RCC2: variants seen among roughly 807,000 people sequenced by gnomAD.
RCC2 encodes the protein regulator of chromosome condensation 2, also known as protein RCC2.
In RCC2, 19 loss-of-function variants were observed where a neutral mutation model predicts 64.1. That is an observed-to-expected ratio of 0.30 (90% CI 0.21 to 0.44). The LOEUF is 0.44. Among genes scored for constraint, RCC2 ranks in the 20% least tolerant of loss-of-function variants. The pLI is 1.00. For synonymous variants in RCC2, 325 were observed against 279.6 expected (o/e 1.16, Z -1.62); for missense variants, 508 against 710.4 (o/e 0.72, Z 3.24).
rs542976508 is a variant in RCC2, at chr1:17,410,118, C to T, written c.1387-67G>A. 1.9e-5 allele frequency: 27 copies of T among 1,417,610 alleles called. No homozygotes were observed. The Admixed American group carries it at 2.1e-4, about 11-fold the overall frequency. The allele number at this position is 1,417,610 out of a possible 1,614,324, so 87.8% of individuals were successfully genotyped here. ...GGCTCAGTCCACAAGTGGGGAATCA[C>T]GGCAACATTTCCTGGCCCCCACTAA... On this transcript the variant is annotated intron_variant, in intron 11 of 12. Coordinates refer to ENST00000375436, the MANE Select transcript of RCC2 (RefSeq NM_018715.4).
intron 2 of RCC2, among the ~76,000 whole-genome samples, chr1:17,431,352 AAAAAAAAATATAT>A (rs2075675257): frequency 1.1e-5 from 1 of 92,802 alleles, no homozygotes; most frequent in South Asian, 3.8e-4. Context: ...AAAAAAAAAA[AAAAAAAAATATAT>A]ATATATATAT....
Position 17,410,000 on chromosome 1 carries a change from T to C in RCC2, c.1438A>G (p.Thr480Ala), listed in dbSNP as rs2075407430. The C allele has an allele frequency of 1.2e-6, 2 of 1,613,504 alleles. No individual in the cohort carries two copies. The highest frequency in any genetic ancestry group is 8.5e-7 in the Non-Finnish European group (1 of 1,179,818). Residue 480 changes from threonine to alanine, a missense_variant, in exon 12 of 13, where the codon ACT (threonine) becomes GCT (alanine). Thr to Ala is a moderately conservative substitution (Grantham distance 58, BLOSUM62 0). Around this residue, in one of 4 missense-constraint regions of RCC2, gnomAD observed 179 missense variants for 322.0 expected, o/e 0.56. Transcript: ENST00000375436. ...TGCTCTGAGAAAATGCCATCCAGAG[T>C]CTTTACCTCCTGGGCTGCAGTGGAA... Reference protein sequence around the residue: ...KSSTAAQEVKTLDGIFSEQVA... With the variant: ...KSSTAAQEVKALDGIFSEQVA...
chr1:17,422,403 G>A (rs1557627359), intron 5 of RCC2, 112 bp from the exon 6 acceptor site: 1 of 1,020,642 alleles, frequency 9.8e-7, no homozygotes, highest in Non-Finnish European at 1.5e-6. Flanking sequence ...CAGGCAGAAG[G>A]CAAGTGAGAC....
chr1:17,416,118 G>A lies in RCC2; in HGVS notation c.1026+362C>T, dbSNP rs151097304. Among the ~76,000 whole-genome samples the A allele has an allele frequency of 2.8e-3, 418 of 148,442 alleles. 2 individuals are homozygous for A. Among genetic ancestry groups the A allele is most frequent in the African/African-American group, 9.7e-3 (387 of 40,062 alleles). ...GGGGGACAACCTACTGATTAAAAAC[G>A]ACTCACATCCCCAGTATGGGGCACC... On this transcript the variant is annotated intron_variant, in intron 8 of 12. Coordinates refer to ENST00000375436, the MANE Select transcript of RCC2 (RefSeq NM_018715.4).
chr1:17,426,459 C>G (rs2075617468), intron 3 of RCC2, among the ~76,000 whole-genome samples: 1 of 152,160 alleles, frequency 6.6e-6, no homozygotes. Context: ...CACCAGTTCG[C>G]CTCCTTGGGG....
At chr1:17,423,004 G>A (rs1375318733) in intron 4 of RCC2, among the ~76,000 whole-genome samples, 168 bp from the exon 5 acceptor site, 1 of 152,112 alleles carries the variant, frequency 6.6e-6, no homozygotes, top group Non-Finnish European at 1.5e-5. Context: ...CCGGCCCTCT[G>A]CCCGCTGGAA....
intron 8 of RCC2, 148 bp downstream of exon 8, chr1:17,416,332 T>C: frequency 1.2e-6 from 1 of 812,628 alleles, no homozygotes; most frequent in Non-Finnish European, 1.9e-6. Flanking sequence ...AAGGACCCTT[T>C]GGCCAAGGTG....
In RCC2 at chr1:17,438,355, C is replaced by A; in HGVS notation, c.160G>T (p.Glu54Ter). ...GCCCCGTCGAGCTCCAGGCCGTCCT[C>A]GTCGCCGCTGCTGCCGCCGCCGCTG... The part of the protein sequence containing the change: ...SSSGGGSSGD[E>*]DGLELDGAPG... Residue 54 changes from glutamate to a stop codon, truncating the protein, a stop_gained, in exon 2 of 13, where the codon GAG (glutamate) becomes TAG (stop). Transcript: ENST00000375436. LOFTEE classifies it high-confidence loss of function. 8.1e-7 allele frequency: 1 copy of A among 1,239,930 alleles called. No homozygotes were observed. The highest frequency in any genetic ancestry group is 1.0e-6 in the Non-Finnish European group (1 of 993,082). The allele number at this position is 1,239,930 out of a possible 1,614,324, so 76.8% of individuals were successfully genotyped here.
chr1:17,413,804 T>G, intron 8 of RCC2, 87 bp from the exon 9 acceptor site: 2 of 1,222,962 alleles, frequency 1.6e-6, no homozygotes, highest in Non-Finnish European at 2.3e-6. Context: ...GACAACCTGG[T>G]GCAAATGCTA....
At chr1:17,437,554 T>TG (rs974137144) in intron 2 of RCC2, among the ~76,000 whole-genome samples, 49 of 150,030 alleles carry the variant, frequency 3.3e-4, no homozygotes, top group Admixed American at 5.3e-4. Flanking sequence ...CTTCTTCACT[T>TG]GGGGGGGCTA....
chr1:17,427,795 A>G (rs543090591), intron 3 of RCC2, among the ~76,000 whole-genome samples: 3 of 151,702 alleles, frequency 2.0e-5, no homozygotes, highest in East Asian at 2.0e-4. Flanking sequence ...CGGCCTCCCA[A>G]GGAAGGGCTG....
intron 8 of RCC2, among the ~76,000 whole-genome samples, chr1:17,414,128 C>A (rs1233865652): frequency 6.6e-6 from 1 of 152,182 alleles, no homozygotes; most frequent in East Asian, 1.9e-4. Flanking sequence ...TTTTCCAATC[C>A]TTTTTTGTTC....
chr1:17,421,672 T>A (rs550716174), intron 6 of RCC2, among the ~76,000 whole-genome samples: 4 of 152,302 alleles, frequency 2.6e-5, no homozygotes, highest in Admixed American at 2.6e-4. Context: ...ATTTCTCCAT[T>A]TGGAAACAAA....
rs568034507 is a variant in RCC2 at position 17,427,076 on chromosome 1, A to G, written c.380-1392T>C. Among the ~76,000 whole-genome samples the G allele has an allele frequency of 1.4e-3, 213 of 152,308 alleles. 1 individual carries two copies. The highest frequency in any genetic ancestry group is 3.4e-3 in the Middle Eastern group (1 of 294). The stretch of plus-strand genomic sequence containing the variant: ...ATGCCCAGCAATCTTAATTTTTGAA[A>G]TTGAGATGCTCAAGAGTATTTCCAG... On this transcript the variant is annotated intron_variant, in intron 3 of 12. Transcript: ENST00000375436.
Position 17,423,952 on chromosome 1 carries a change from T to G in RCC2, c.524-1116A>C, listed in dbSNP as rs561183864. The stretch of plus-strand genomic sequence containing the variant: ...GAAGGGAAACCAGCCTCTGACTCGC[T>G]CTAATTAAAGAACGGCGGGCTGAAG... On this transcript the variant is annotated intron_variant, in intron 4 of 12. Coordinates refer to ENST00000375436, the MANE Select transcript of RCC2 (RefSeq NM_018715.4). Among the ~76,000 whole-genome samples, 8 of 152,292 alleles carry G rather than the reference T, an allele frequency of 5.3e-5. No homozygotes were observed. In the South Asian group the frequency reaches 1.7e-3, roughly 32 times the overall value.
At chr1:17,409,921 C>A in intron 12 of RCC2, 53 bp downstream of exon 12, 1 of 1,438,404 alleles carries the variant, frequency 7.0e-7, no homozygotes, top group Non-Finnish European at 9.8e-7. Context: ...TGAGGAGTGA[C>A]ATACCACTGG....
chr1:17,434,908 A>G (rs1302065298), intron 2 of RCC2, among the ~76,000 whole-genome samples: 2 of 152,234 alleles, frequency 1.3e-5, no homozygotes, highest in Admixed American at 6.5e-5. Context: ...AGTTCAAGAC[A>G]GCCTGGCCAA....
At position 17,406,846 on chromosome 1, in the gene RCC2, A is replaced by C. The variant is rs1328065287; in HGVS notation, c.*2244T>G. 1.3e-5 allele frequency: 2 copies of C among 152,220 alleles called. No homozygotes were observed. The highest frequency in any genetic ancestry group is 2.4e-5 in the African/African-American group (1 of 41,458). 9.4% of individuals were successfully genotyped at this position (152,220 alleles called of 1,614,324 possible). A position where few individuals can be genotyped will look rare whatever the true frequency, so the allele number is the denominator to read the frequency against. On this transcript the variant is annotated 3_prime_UTR_variant, in exon 13 of 13. Transcript: ENST00000375436. ...AAATAATAAGACAATTACAGCACTAAACCAGGCACCTTCGACCAAATCACA... is the reference window on the plus strand; with the variant it reads ...AAATAATAAGACAATTACAGCACTACACCAGGCACCTTCGACCAAATCACA...
intron 3 of RCC2, among the ~76,000 whole-genome samples, chr1:17,426,602 C>T (rs1018152886): frequency 6.6e-6 from 1 of 152,116 alleles, no homozygotes. Flanking sequence ...CATGAGAAGC[C>T]ACCCAGGGCT....
Sources: allele counts gnomAD v4.1 joint callset (sites outside exome capture counted in the v4.1 genomes callset), GRCh38; gene constraint gnomAD v4.1.1; regional missense constraint gnomAD v4.1.1; transcripts MANE v1.5; gene names NCBI Gene and HGNC (gene_info 2026-07-23, HGNC 2026-07-21).